The following SIPA1L1 variants were observed in gnomAD, a reference collection of about 807,000 sequenced individuals.
SIPA1L1 encodes the protein signal-induced proliferation-associated 1-like protein 1.
In SIPA1L1, 26 loss-of-function variants were observed where a neutral mutation model predicts 162.7. The observed-to-expected ratio is 0.16, with a 90% confidence interval of 0.12 to 0.22. The LOEUF (loss-of-function observed/expected upper bound fraction) is 0.22. Among genes scored for constraint, SIPA1L1 ranks in the 10% least tolerant of loss-of-function variants. The probability of loss-of-function intolerance (pLI) is 1.00; values close to 1 mark genes in which losing one functional copy is unlikely to be tolerated. For missense variants in SIPA1L1, 1,874 were observed against 2,241.0 expected, an observed-to-expected ratio of 0.84 and a Z score of 3.31; for synonymous variants, 829 against 837.4, an observed-to-expected ratio of 0.99 and a Z score of 0.17.
intron 4 of SIPA1L1, among the ~76,000 whole-genome samples, chr14:71,585,641 A>G (rs1042333872): frequency 6.6e-6 from 1 of 152,192 alleles, no homozygotes; most frequent in Non-Finnish European, 1.5e-5. Flanking sequence ...AAGAGTTTTT[A>G]TCATGGTGGG....
intron 3 of SIPA1L1, among the ~76,000 whole-genome samples, chr14:71,520,183 G>A (rs1191124242): frequency 6.6e-6 from 1 of 152,126 alleles, no homozygotes; most frequent in Admixed American, 6.6e-5. Flanking sequence ...TATTTATATA[G>A]TTTCAGATTA....
chr14:71,445,070 G>C (rs1310584343), intron 2 of SIPA1L1, among the ~76,000 whole-genome samples: 1 of 152,156 alleles, frequency 6.6e-6, no homozygotes, highest in Non-Finnish European at 1.5e-5. Flanking sequence ...TTTATTTGGA[G>C]AAAGAAAACA....
At chr14:71,658,666 CT>C (rs1231056009) in intron 9 of SIPA1L1, among the ~76,000 whole-genome samples, 19 of 152,296 alleles carry the variant, frequency 1.2e-4, no homozygotes, top group African/African-American at 4.6e-4. Flanking sequence ...TAATCATTTG[CT>C]TTTCACCCAC....
chr14:71,606,901 CTT>C (rs1159959587), intron 5 of SIPA1L1, among the ~76,000 whole-genome samples: 6 of 151,872 alleles, frequency 4.0e-5, no homozygotes, highest in Non-Finnish European at 8.8e-5. Context: ...AAAGTTAAAA[CTT>C]TTTATTTTTT....
chr14:71,707,381 A>G (rs1426743143), intron 16 of SIPA1L1, among the ~76,000 whole-genome samples: 1 of 152,166 alleles, frequency 6.6e-6, no homozygotes, highest in Non-Finnish European at 1.5e-5. Flanking sequence ...AAAATATACA[A>G]TTGAGTGAGT....
In SIPA1L1 at chr14:71,543,937, GTA is replaced by G. The variant is rs58712418; in HGVS notation, c.-303+14574_-303+14575del. ...ATACATATATCATACGTATATGTGT[GTA>G]TATATACATATACGCACATGTATGT... On this transcript the variant is annotated intron_variant, in intron 4 of 23. Coordinates refer to ENST00000381232, the MANE Select transcript of SIPA1L1 (RefSeq NM_001386936.1). 4.4e-3 allele frequency among the ~76,000 whole-genome samples: 613 copies of G among 140,590 alleles called. 6 individuals carry two copies. Among genetic ancestry groups the G allele is most frequent in the African/African-American group, 0.015 (576 of 38,008 alleles). The allele number at this position is 140,590 out of a possible 152,430, so 92.2% of individuals were successfully genotyped here.
intron 5 of SIPA1L1, among the ~76,000 whole-genome samples, chr14:71,613,645 C>T (rs1373066864): frequency 6.6e-6 from 1 of 152,164 alleles, no homozygotes; most frequent in Non-Finnish European, 1.5e-5. Context: ...CTTTCTTTGA[C>T]ACACTTCATC....
chr14:71,320,707 C>CG (rs913046627), intron 1 of SIPA1L1, among the ~76,000 whole-genome samples: 3 of 150,576 alleles, frequency 2.0e-5, no homozygotes, highest in Non-Finnish European at 3.0e-5. Flanking sequence ...TCCTCATCCC[C>CG]CCCCCGGCAA....
chr14:71,710,381 A>G (rs1036810113), intron 17 of SIPA1L1, among the ~76,000 whole-genome samples: 1 of 152,228 alleles, frequency 6.6e-6, no homozygotes, highest in Non-Finnish European at 1.5e-5. Context: ...GAAGCATTCC[A>G]TCACTGTCTT....
chr14:71,337,631 C>T (rs1019365258), intron 2 of SIPA1L1, among the ~76,000 whole-genome samples: 8 of 152,130 alleles, frequency 5.3e-5, no homozygotes, highest in South Asian at 4.2e-4. Flanking sequence ...TATCTCCCAC[C>T]GGCTCCCTCC....
intron 12 of SIPA1L1, among the ~76,000 whole-genome samples, chr14:71,684,557 C>G (rs974488490): frequency 6.6e-6 from 1 of 152,250 alleles, no homozygotes; most frequent in Non-Finnish European, 1.5e-5. Context: ...GCTCGTACAC[C>G]CTTTCGGAGC....
intron 12 of SIPA1L1, among the ~76,000 whole-genome samples, chr14:71,683,603 C>T (rs1489921280): frequency 6.6e-6 from 1 of 152,100 alleles, no homozygotes; most frequent in Non-Finnish European, 1.5e-5. Context: ...AGTGTATTAC[C>T]TCTATGAACA....
At chr14:71,735,825 G>A (rs1345027144) in intron 22 of SIPA1L1, among the ~76,000 whole-genome samples, 1 of 152,132 alleles carries the variant, frequency 6.6e-6, no homozygotes, top group East Asian at 1.9e-4. Flanking sequence ...CTGTGTGTTG[G>A]AAAGCTAAAT....
At chr14:71,676,619 T>TC (rs1382998627) in intron 12 of SIPA1L1, among the ~76,000 whole-genome samples, 3 of 86,266 alleles carry the variant, frequency 3.5e-5, no homozygotes, top group Non-Finnish European at 6.7e-5. Context: ...ATGCTATCCC[T>TC]CCCCCCTCCC....
intron 12 of SIPA1L1, among the ~76,000 whole-genome samples, chr14:71,674,611 C>T (rs2044910481): frequency 6.8e-6 from 1 of 147,092 alleles, no homozygotes; most frequent in African/African-American, 2.6e-5. Context: ...GTCGCCCAGG[C>T]TGGAGTGCAG....
intron 2 of SIPA1L1, among the ~76,000 whole-genome samples, chr14:71,485,798 C>T (rs539625409): frequency 3.2e-4 from 49 of 152,136 alleles, no homozygotes; most frequent in African/African-American, 7.7e-4. Context: ...GATTGGGGAC[C>T]GCTGGTTTAG....
chr14:71,603,558 T>C (rs1329968466), intron 5 of SIPA1L1, among the ~76,000 whole-genome samples: 24 of 152,110 alleles, frequency 1.6e-4, no homozygotes, highest in Non-Finnish European at 3.5e-4. Context: ...TCCCAGGCTT[T>C]AAGTGATCCT....
chr14:71,645,086 T>C (rs1313588865), intron 7 of SIPA1L1, among the ~76,000 whole-genome samples: 2 of 152,254 alleles, frequency 1.3e-5, no homozygotes, highest in African/African-American at 2.4e-5. Flanking sequence ...TTTCAACTTC[T>C]GGTGGCTGCC....
chr14:71,393,713 T>G (rs2040953845), intron 2 of SIPA1L1, among the ~76,000 whole-genome samples: 1 of 152,082 alleles, frequency 6.6e-6, no homozygotes, highest in African/African-American at 2.4e-5. Flanking sequence ...CCCAGCTACT[T>G]GGGAGGCTGA....
Sources: gnomAD v4.1 joint callset for allele counts (sites outside exome capture counted in the v4.1 genomes callset) on GRCh38, gnomAD v4.1.1 for gene constraint, MANE v1.5 for transcripts, NCBI Gene and HGNC (gene_info 2026-07-23, HGNC 2026-07-21) for gene names.